Variants in ZNF428 observed in about 807,000 individuals in gnomAD.
ZNF428 encodes zinc finger protein 428.
In ZNF428, 5 loss-of-function variants were observed where a neutral mutation model predicts 15.6. That is an observed-to-expected ratio of 0.32 (90% CI 0.17 to 0.67). The LOEUF (loss-of-function observed/expected upper bound fraction) is 0.67. Ranked by LOEUF, ZNF428 falls within the 30% of genes least tolerant of loss-of-function variation. The pLI is 0.73. For missense variants in ZNF428, 237 were observed against 256.0 expected (o/e 0.93, Z 0.51); for synonymous variants, 97 against 102.2 (o/e 0.95, Z 0.31).
Position 43,612,199 on chromosome 19 carries a change from C to T in ZNF428, c.76+2030G>A, listed in dbSNP as rs1282880864. The T allele has an allele frequency of 1.3e-6, 2 of 1,551,722 alleles. No homozygotes were observed. The highest frequency in any genetic ancestry group is 2.0e-5 in the Admixed American group (1 of 50,996). On this transcript the variant is annotated intron_variant, in intron 2 of 2. Transcript: ENST00000300811. The surrounding 1 kb of genome is among the most constrained non-coding windows in gnomAD (Gnocchi z 4.2). The stretch of plus-strand genomic sequence containing the variant: ...GATCCTCCATGCCCACTGCGGATCC[C>T]AAGCCTCCTGCCTCCTTGAAGTCCA...
chr19:43,611,975 T>C (rs1442574002), intron 2 of ZNF428: 14 of 659,384 alleles, frequency 2.1e-5, no homozygotes, highest in Non-Finnish European at 2.7e-5. Context: ...CACCTCTGAC[T>C]TCATACCACT....
chr19:43,613,938 G>T (rs1455821904), intron 2 of ZNF428: 14 of 1,551,552 alleles, frequency 9.0e-6, no homozygotes, highest in Non-Finnish European at 1.2e-5. Context: ...AGTGGTTACA[G>T]TCGACCTAGA....
At chr19:43,616,487 A>C (rs1973372990) in intron 1 of ZNF428, among the ~76,000 whole-genome samples, 1 of 152,224 alleles carries the variant, frequency 6.6e-6, no homozygotes, top group African/African-American at 2.4e-5. Context: ...TCCTTTGTAC[A>C]GATGAGGAAA....
At chr19:43,608,976 T>C (rs1340946584) in intron 2 of ZNF428, among the ~76,000 whole-genome samples, 2 of 150,720 alleles carry the variant, frequency 1.3e-5, no homozygotes, top group African/African-American at 2.4e-5. Flanking sequence ...ATTCTTTCGA[T>C]TGATTGCAAA....
At chr19:43,615,892 G>A (rs577979980) in intron 1 of ZNF428, among the ~76,000 whole-genome samples, 9 of 152,312 alleles carry the variant, frequency 5.9e-5, no homozygotes, top group African/African-American at 1.2e-4. Context: ...TTAGCTATGC[G>A]GAAGCTCTCC....
In ZNF428 at chr19:43,612,107, C is replaced by T; in HGVS notation, c.76+2122G>A. 1 of 1,542,138 alleles carries T rather than the reference C, an allele frequency of 6.5e-7. No homozygotes were observed. The highest frequency in any genetic ancestry group is 8.8e-7 in the Non-Finnish European group (1 of 1,138,932). On this transcript the variant is annotated intron_variant, in intron 2 of 2. Transcript: ENST00000300811. This position sits in a 1 kb window ranked among gnomAD's most constrained non-coding sequence, Gnocchi z 4.2. ...TACTGTGACTTCCAGGACCACAAGC[C>T]CTTTTGCGCCCACCATGTCTTCACC...
Position 43,612,723 on chromosome 19 carries a change from G to T in ZNF428, c.76+1506C>A, listed in dbSNP as rs780031169. ...AAGAAGAGTTACCGCCCACCAGGAG[G>T]CTCAGGTATAGGGAGGAGTTCCGAG... On this transcript the variant is annotated intron_variant, in intron 2 of 2. Coordinates refer to ENST00000300811, the MANE Select transcript of ZNF428 (RefSeq NM_182498.4). The surrounding 1 kb of genome is among the most constrained non-coding windows in gnomAD (Gnocchi z 4.2). 6.4e-7 allele frequency: 1 copy of T among 1,551,666 alleles called. No individual in the cohort carries two copies. Among genetic ancestry groups the T allele is most frequent in the South Asian group, 1.2e-5 (1 of 84,064 alleles).
At chr19:43,618,566 C>CTTTT (rs551668437) in intron 1 of ZNF428, among the ~76,000 whole-genome samples, 359 of 98,318 alleles carry the variant, frequency 3.7e-3, no homozygotes, top group African/African-American at 8.5e-3. Flanking sequence ...TTAATTTTTA[C>CTTTT]TTTTTTTTTT....
intron 1 of ZNF428, among the ~76,000 whole-genome samples, chr19:43,618,914 G>A (rs1042918670): frequency 2.0e-5 from 3 of 151,974 alleles, no homozygotes; most frequent in Admixed American, 1.3e-4. Context: ...CGTCACACAA[G>A]GCCCCTTCCA....
intron 1 of ZNF428, among the ~76,000 whole-genome samples, chr19:43,615,430 T>C (rs1271588519): frequency 2.6e-5 from 4 of 151,800 alleles, no homozygotes; most frequent in African/African-American, 9.7e-5. Flanking sequence ...CCGGGCGCAG[T>C]GACCCATGCC....
At chr19:43,611,380 C>T (rs922871746) in intron 2 of ZNF428, among the ~76,000 whole-genome samples, 2 of 151,724 alleles carry the variant, frequency 1.3e-5, no homozygotes, top group African/African-American at 2.4e-5. Context: ...CGTGCAATGG[C>T]GTGATCTTGG....
intron 2 of ZNF428, among the ~76,000 whole-genome samples, chr19:43,610,568 G>A (rs117240078): frequency 0.01 from 1,547 of 151,290 alleles, 12 homozygotes; most frequent in Non-Finnish European, 0.016. Flanking sequence ...GCCTGTCCCC[G>A]AGAGCTGGGA....
At chr19:43,609,891 T>C (rs112471074) in intron 2 of ZNF428, among the ~76,000 whole-genome samples, 49 of 152,214 alleles carry the variant, frequency 3.2e-4, no homozygotes, top group African/African-American at 1.1e-3. Context: ...TCTTCGGCCT[T>C]GGTGGTAGGA....
In ZNF428 at chr19:43,612,222, C is replaced by T; in HGVS notation, c.76+2007G>A. The T allele has an allele frequency of 6.4e-7, 1 of 1,551,718 alleles. No homozygotes were observed. The highest frequency in any genetic ancestry group is 8.7e-7 in the Non-Finnish European group (1 of 1,146,998). ...CCCAAGCCTCCTGCCTCCTTGAAGTCCACCAAATCAGCAACACCCAACAGA... is the reference window on the plus strand; with the variant it reads ...CCCAAGCCTCCTGCCTCCTTGAAGTTCACCAAATCAGCAACACCCAACAGA... On this transcript the variant is annotated intron_variant, in intron 2 of 2. Coordinates refer to ENST00000300811, the MANE Select transcript of ZNF428 (RefSeq NM_182498.4). This position sits in a 1 kb window ranked among gnomAD's most constrained non-coding sequence, Gnocchi z 4.2.
Position 43,612,903 on chromosome 19 carries a change from A to C in ZNF428, c.76+1326T>G. 6.4e-7 allele frequency: 1 copy of C among 1,551,670 alleles called. No individual in the cohort carries two copies. The highest frequency in any genetic ancestry group is 8.7e-7 in the Non-Finnish European group (1 of 1,146,990). ...AGGGAAAAGAGTTACAGCCCCACTG[A>C]AATGTCCAGCAGGGTCAAGAGTTAT... On this transcript the variant is annotated intron_variant, in intron 2 of 2. Transcript: ENST00000300811. The surrounding 1 kb of genome is among the most constrained non-coding windows in gnomAD (Gnocchi z 4.2).
chr19:43,612,858 G>A lies in ZNF428; in HGVS notation c.76+1371C>T. 6.4e-7 allele frequency: 1 copy of A among 1,551,676 alleles called. No homozygotes were observed. ...TCATCAAGGAAGGTGAAGAGCTACG[G>A]TCAGATGATCATCCCCAGTAGGGAA... is the stretch of plus-strand genomic sequence containing the variant. On this transcript the variant is annotated intron_variant, in intron 2 of 2. Transcript: ENST00000300811. The surrounding 1 kb of genome is among the most constrained non-coding windows in gnomAD (Gnocchi z 4.2).
At chr19:43,613,727 T>C (rs1260270375) in intron 2 of ZNF428, 3 of 1,550,410 alleles carry the variant, frequency 1.9e-6, no homozygotes, top group African/African-American at 2.8e-5. Flanking sequence ...GCGCAGACAA[T>C]CTAGAAGCCC....
rs1333281301 is a variant in ZNF428 at position 43,613,670 on chromosome 19, A to C, written c.76+559T>G. 1.9e-6 allele frequency: 3 copies of C among 1,549,956 alleles called. No homozygotes were observed. The Admixed American group carries it at 5.9e-5, about 30-fold the overall frequency. On this transcript the variant is annotated intron_variant, in intron 2 of 2. Coordinates refer to ENST00000300811, the MANE Select transcript of ZNF428 (RefSeq NM_182498.4). ...GTGCAGACAATCTAGAAGCTCCAGC[A>C]AAGAGAGAGATCACAGACGATCTAG...
At chr19:43,614,045 A>G (rs1447723693) in intron 2 of ZNF428, 184 bp downstream of exon 2, 5 of 1,552,454 alleles carry the variant, frequency 3.2e-6, no homozygotes, top group Middle Eastern at 1.7e-4. Flanking sequence ...GAGCGACCCC[A>G]GTCAATCTAC....
Sources: allele counts gnomAD v4.1 joint callset (sites outside exome capture counted in the v4.1 genomes callset), GRCh38; gene constraint gnomAD v4.1.1; non-coding constraint Gnocchi (gnomAD v3.1); transcripts MANE v1.5; gene names NCBI Gene and HGNC (gene_info 2026-07-23, HGNC 2026-07-21).